LYPLA1: variants seen among roughly 807,000 people sequenced by gnomAD.
LYPLA1 encodes lysophospholipase 1.
In LYPLA1, 17 loss-of-function variants were observed where a neutral mutation model predicts 34.0. That is an observed-to-expected ratio of 0.50 (90% CI 0.34 to 0.75). The LOEUF (loss-of-function observed/expected upper bound fraction) is 0.75, where lower values mean the gene tolerates loss of function less well. Ranked by LOEUF, LYPLA1 falls within the 30% of genes least tolerant of loss-of-function variation. The pLI, the probability that LYPLA1 is intolerant of heterozygous loss-of-function variation, is 0.01. For synonymous variants in LYPLA1, 98 were observed against 100.8 expected, an observed-to-expected ratio of 0.97 and a Z score of 0.17; for missense variants, 203 against 288.8, an observed-to-expected ratio of 0.70 and a Z score of 2.15.
At chr8:54,051,759 T>C (rs559103507) in intron 7 of LYPLA1, among the ~76,000 whole-genome samples, 27 of 152,134 alleles carry the variant, frequency 1.8e-4, no homozygotes, top group Admixed American at 1.3e-4. Context: ...AAGCAGATTA[T>C]ATTTTAATCC....
intron 5 of LYPLA1, 91 bp from the exon 6 acceptor site, chr8:54,055,224 C>T (rs950047094): frequency 5.0e-5 from 35 of 693,950 alleles, no homozygotes; most frequent in Middle Eastern, 2.4e-4. Flanking sequence ...AATAGAAAAG[C>T]GCAATTACTT....
Position 54,060,095 on chromosome 8 carries a change from A to G in LYPLA1, c.286+2159T>C, listed in dbSNP as rs114836248. Among the ~76,000 whole-genome samples the G allele has an allele frequency of 4.8e-3, 733 of 151,952 alleles. 3 individuals are homozygous for G. The highest frequency in any genetic ancestry group is 0.016 in the African/African-American group (648 of 41,384). On this transcript the variant is annotated intron_variant, in intron 5 of 8. Transcript: ENST00000316963. ...TATTTCAGTACACATATGTAAAAGA[A>G]AAGCACATTCCTGTGCACCTGTGCA...
chr8:54,045,831 C>A (rs190686128), downstream of LYPLA1, among the ~76,000 whole-genome samples: 1 of 152,160 alleles, frequency 6.6e-6, no homozygotes, highest in Non-Finnish European at 1.5e-5. Flanking sequence ...GAGGCTGAAG[C>A]GAGTGGATCA....
chr8:54,100,555 GTTC>G, intron 2 of LYPLA1: 2 of 272,584 alleles, frequency 7.3e-6, no homozygotes, highest in Non-Finnish European at 1.4e-5. Flanking sequence ...AAATCAACTA[GTTC>G]TTCTCTTCAA....
intron 3 of LYPLA1, among the ~76,000 whole-genome samples, chr8:54,063,756 G>C (rs1472913175): frequency 6.6e-6 from 1 of 152,206 alleles, no homozygotes; most frequent in East Asian, 1.9e-4. Flanking sequence ...TGATACTGTA[G>C]CATCAATTCT....
intron 2 of LYPLA1, among the ~76,000 whole-genome samples, chr8:54,080,642 C>T (rs947643982): frequency 5.3e-5 from 8 of 152,172 alleles, no homozygotes; most frequent in Admixed American, 5.2e-4. Flanking sequence ...GGCTGGAGTG[C>T]AGTGGGGTGA....
At chr8:54,051,904 G>A (rs901567501) in intron 7 of LYPLA1, among the ~76,000 whole-genome samples, 3 of 150,176 alleles carry the variant, frequency 2.0e-5, no homozygotes, top group African/African-American at 7.4e-5. Context: ...AGGCTGGAGT[G>A]AAGTGGCACA....
intron 2 of LYPLA1, 116 bp from the exon 3 acceptor site, chr8:54,065,929 GGTTT>G (rs1807030904): frequency 1.4e-6 from 1 of 723,388 alleles, no homozygotes; most frequent in African/African-American, 1.8e-5. Flanking sequence ...CTAAAAATAT[GGTTT>G]TTTTTTGTTT....
intron 7 of LYPLA1, among the ~76,000 whole-genome samples, chr8:54,051,976 G>C (rs1805874206): frequency 6.6e-6 from 1 of 151,422 alleles, no homozygotes; most frequent in Admixed American, 6.6e-5. Flanking sequence ...TCAGCCTCCT[G>C]AGTAGCTGGG....
At chr8:54,085,303 G>A (rs1435677915) in intron 2 of LYPLA1, among the ~76,000 whole-genome samples, 1 of 152,234 alleles carries the variant, frequency 6.6e-6, no homozygotes, top group East Asian at 1.9e-4. Flanking sequence ...TGTTGCCCAG[G>A]CTGGAGTGCA....
chr8:54,101,640 G>A (rs1175624112), intron 1 of LYPLA1, 115 bp downstream of exon 1: 45 of 1,154,988 alleles, frequency 3.9e-5, no homozygotes, highest in Non-Finnish European at 4.1e-5. Context: ...CCCGGGCCGG[G>A]AGGAGCGTCC....
At chr8:54,093,272 G>A (rs1467871480) in intron 2 of LYPLA1, among the ~76,000 whole-genome samples, 1 of 152,128 alleles carries the variant, frequency 6.6e-6, no homozygotes, top group South Asian at 2.1e-4. Context: ...CTGAAACCTC[G>A]GAATGTGACT....
intron 2 of LYPLA1, among the ~76,000 whole-genome samples, chr8:54,087,526 T>C (rs1808894349): frequency 6.6e-6 from 1 of 152,082 alleles, no homozygotes; most frequent in African/African-American, 2.4e-5. Context: ...ATAAAAATCA[T>C]CAGGATGAAA....
At chr8:54,099,860 T>C (rs1809977798) in intron 2 of LYPLA1, among the ~76,000 whole-genome samples, 1 of 151,878 alleles carries the variant, frequency 6.6e-6, no homozygotes, top group South Asian at 2.1e-4. Flanking sequence ...ATTTTTATAT[T>C]TTTAGTAGAG....
rs1212844262 is a variant in LYPLA1 at position 54,091,578 on chromosome 8, A to G, written c.101+9330T>C. Among the ~76,000 whole-genome samples, 179 of 124,306 alleles carry G rather than the reference A, an allele frequency of 1.4e-3. 2 individuals are homozygous for G. The highest frequency in any genetic ancestry group is 5.7e-3 in the African/African-American group (173 of 30,608). The allele number at this position is 124,306 out of a possible 152,430, so 81.5% of individuals were successfully genotyped here. A position where few individuals can be genotyped will look rare whatever the true frequency, so the allele number is the denominator to read the frequency against. ...AGAAAGGAAGGAAGGAAAGAAAGAA[A>G]GAAAAGGAAGGAAGGAAGGAAGGAA... is the stretch of plus-strand genomic sequence containing the variant. On this transcript the variant is annotated intron_variant, in intron 2 of 8. Coordinates refer to ENST00000316963, the MANE Select transcript of LYPLA1 (RefSeq NM_006330.4).
intron 8 of LYPLA1, among the ~76,000 whole-genome samples, chr8:54,050,656 C>T (rs1179571680): frequency 3.3e-5 from 5 of 152,132 alleles, no homozygotes; most frequent in Non-Finnish European, 7.4e-5. Context: ...TTTTTCAGGG[C>T]ACCTTTTGTT....
chr8:54,059,159 A>G (rs1806419293), intron 5 of LYPLA1, among the ~76,000 whole-genome samples: 1 of 152,154 alleles, frequency 6.6e-6, no homozygotes, highest in South Asian at 2.1e-4. Context: ...ACTTACCCTC[A>G]TACTTTTGTC....
At chr8:54,061,355 A>G (rs1806622275) in intron 5 of LYPLA1, among the ~76,000 whole-genome samples, 1 of 152,238 alleles carries the variant, frequency 6.6e-6, no homozygotes, top group Admixed American at 6.5e-5. Context: ...TGCTGGGATT[A>G]AAGGCGTGAG....
chr8:54,087,586 C>T (rs999120205), intron 2 of LYPLA1, among the ~76,000 whole-genome samples: 1 of 152,220 alleles, frequency 6.6e-6, no homozygotes, highest in African/African-American at 2.4e-5. Flanking sequence ...AGACACCCCA[C>T]GCAATGGGAG....
Sources: allele counts gnomAD v4.1 joint callset (sites outside exome capture counted in the v4.1 genomes callset), GRCh38; gene constraint gnomAD v4.1.1; transcripts MANE v1.5; gene names NCBI Gene and HGNC (gene_info 2026-07-23, HGNC 2026-07-21).